RARS2: variants seen among roughly 807,000 people sequenced by gnomAD.
The protein encoded by RARS2 is probable arginine--tRNA ligase, mitochondrial.
In RARS2, 67 loss-of-function variants were observed where a neutral mutation model predicts 88.5. The ratio of observed to expected loss-of-function variants is 0.76; its 90% CI spans 0.62 to 0.93. The LOEUF is 0.93. Ranked by LOEUF, RARS2 falls within the 40% of genes least tolerant of loss-of-function variation. The pLI is 0.00. For synonymous variants in RARS2, 239 were observed against 230.3 expected (o/e 1.04, Z -0.34); for missense variants, 664 against 684.2 (o/e 0.97, Z 0.33).
chr6:87,589,928 A>C lies in RARS2; in HGVS notation c.30T>G (p.Ala10=). 1 of 1,614,210 alleles carries C rather than the reference A, an allele frequency of 6.2e-7. No homozygotes were observed. The highest frequency in any genetic ancestry group is 1.1e-5 in the South Asian group (1 of 91,086). Residue 10 remains alanine (A), a synonymous_variant, in exon 1 of 20, where the codon GCT becomes GCG. Transcript: ENST00000369536. ...CGCGCTCCGGGATCCATACCTGGCA[A>C]GCAATAGCGCGGCGAAAGCCGCACG... MACGFRRAI[A]CQLSRVLNLP... is the part of the protein sequence containing the mutation.
intron 7 of RARS2, among the ~76,000 whole-genome samples, chr6:87,543,699 G>C (rs1276411916): frequency 1.3e-5 from 2 of 151,994 alleles, no homozygotes; most frequent in Non-Finnish European, 2.9e-5. Context: ...CAGATCTAAA[G>C]GGCTTTACTG....
intron 4 of RARS2, among the ~76,000 whole-genome samples, chr6:87,559,382 G>A (rs957840235): frequency 6.8e-6 from 1 of 147,050 alleles, no homozygotes; most frequent in Admixed American, 6.9e-5. Context: ...CAGGAGAATC[G>A]CTTGAACCTG....
chr6:87,544,310 T>C (rs1024690200), intron 7 of RARS2, among the ~76,000 whole-genome samples: 2 of 152,252 alleles, frequency 1.3e-5, no homozygotes, highest in Admixed American at 6.5e-5. Flanking sequence ...GATTCTTCCA[T>C]AGTGAACAGT....
Position 87,514,749 on chromosome 6 carries a change from G to A in RARS2, c.1650+208C>T, listed in dbSNP as rs2325064. ...CTTCAGATAAGGGGAACTTATCACT[G>A]TAATATTTCATGTAGGAAAATGTGC... On this transcript the variant is annotated intron_variant, in intron 19 of 19. Transcript: ENST00000369536. Among the ~76,000 whole-genome samples the A allele has an allele frequency of 0.61, 92,650 of 152,042 alleles. 29,029 individuals carry two copies. Among genetic ancestry groups the A allele is most frequent in the African/African-American group, 0.75 (31,250 of 41,480 alleles).
At chr6:87,544,948 A>T (rs1394549200) in intron 7 of RARS2, among the ~76,000 whole-genome samples, 1 of 152,192 alleles carries the variant, frequency 6.6e-6, no homozygotes, top group Non-Finnish European at 1.5e-5. Context: ...GGGAGGCTGG[A>T]TGTCCTTAGA....
intron 1 of RARS2, among the ~76,000 whole-genome samples, chr6:87,574,796 A>T (rs1770873088): frequency 6.6e-6 from 1 of 152,246 alleles, no homozygotes; most frequent in South Asian, 2.1e-4. Context: ...TTTTATAAGG[A>T]GTCTAAAAAT....
intron 8 of RARS2, among the ~76,000 whole-genome samples, chr6:87,532,865 G>A (rs1777959780): frequency 6.6e-6 from 1 of 152,064 alleles, no homozygotes. Context: ...AGAAGACTTT[G>A]GTAAAGTATG....
chr6:87,520,885 G>C (rs1339887883), intron 12 of RARS2, among the ~76,000 whole-genome samples: 3 of 152,220 alleles, frequency 2.0e-5, no homozygotes, highest in Admixed American at 6.5e-5. Context: ...CCACGAGGGA[G>C]TTTGTTTTGT....
At chr6:87,549,580 T>C (rs1783737284) in intron 5 of RARS2, among the ~76,000 whole-genome samples, 1 of 151,566 alleles carries the variant, frequency 6.6e-6, no homozygotes, top group Non-Finnish European at 1.5e-5. Flanking sequence ...TAAAAATATT[T>C]ATGCATAAAA....
chr6:87,534,288 C>T (rs533240054), intron 8 of RARS2, among the ~76,000 whole-genome samples: 1 of 152,250 alleles, frequency 6.6e-6, no homozygotes, highest in East Asian at 1.9e-4. Context: ...TATCAAATTT[C>T]TCCTCCTTAA....
At chr6:87,524,453 T>C in intron 11 of RARS2, 104 bp downstream of exon 11, 1 of 916,336 alleles carries the variant, frequency 1.1e-6, no homozygotes, top group Non-Finnish European at 1.8e-6. Context: ...TAGAATAATG[T>C]CATCAGCTGT....
At chr6:87,541,104 G>A (rs1438671196) in intron 8 of RARS2, among the ~76,000 whole-genome samples, 1 of 152,124 alleles carries the variant, frequency 6.6e-6, no homozygotes, top group Non-Finnish European at 1.5e-5. Context: ...AAGAAATACT[G>A]TCCCAAATCA....
rs755000158 is a variant in RARS2 at position 87,541,936 on chromosome 6, A to T, written c.594T>A (p.Pro198=). The change falls in exon 8 of 20, where the codon CCT becomes CCA. Residue 198 remains proline, a synonymous_variant. Transcript: ENST00000369536. ...AACTTACTTCAAAGAGATGCTGTAG[A>T]GGATTGGACTGCAGTTTTTCCTCAT... is the stretch of plus-strand genomic sequence containing the variant. ...FGYEEKLQSN[P]LQHLFEVYVQ... 3.7e-6 allele frequency: 6 copies of T among 1,613,242 alleles called. No homozygotes were observed. The highest frequency in any genetic ancestry group is 5.1e-6 in the Non-Finnish European group (6 of 1,179,390).
intron 8 of RARS2, among the ~76,000 whole-genome samples, chr6:87,533,944 T>C (rs766650397): frequency 3.9e-5 from 6 of 152,210 alleles, no homozygotes; most frequent in Non-Finnish European, 7.3e-5. Flanking sequence ...ATACTGAGAA[T>C]AACTGCTAAG....
At chr6:87,533,412 A>G (rs1778174439) in intron 8 of RARS2, among the ~76,000 whole-genome samples, 1 of 152,236 alleles carries the variant, frequency 6.6e-6, no homozygotes, top group Non-Finnish European at 1.5e-5. Context: ...AATGCACAAT[A>G]TAAAACTAAA....
chr6:87,575,489 T>C (rs1393055460), intron 1 of RARS2, among the ~76,000 whole-genome samples: 1 of 152,178 alleles, frequency 6.6e-6, no homozygotes, highest in African/African-American at 2.4e-5. Flanking sequence ...CAGAATTGTC[T>C]ATCCAAAATA....
chr6:87,584,617 T>C (rs576834868), intron 1 of RARS2: 10 of 389,478 alleles, frequency 2.6e-5, no homozygotes, highest in South Asian at 1.8e-4. Context: ...CTTCCCACCA[T>C]TATTAAGTGC....
chr6:87,536,511 C>A (rs149812016), intron 8 of RARS2, among the ~76,000 whole-genome samples: 6,768 of 151,860 alleles, frequency 0.045, 190 homozygotes, highest in East Asian at 0.095. Flanking sequence ...GTAGTGCACA[C>A]CTGTAATCCC....
At chr6:87,569,708 A>AT (rs1359191083) in intron 1 of RARS2, 118 bp from the exon 2 acceptor site, 3 of 809,130 alleles carry the variant, frequency 3.7e-6, no homozygotes, top group African/African-American at 3.4e-5. Flanking sequence ...CTCCAAATGC[A>AT]TTCCAAGTGA....
Sources: gnomAD v4.1 joint callset for allele counts (sites outside exome capture counted in the v4.1 genomes callset) on GRCh38, gnomAD v4.1.1 for gene constraint, MANE v1.5 for transcripts, NCBI Gene and HGNC (gene_info 2026-07-23, HGNC 2026-07-21) for gene names.